Variants in TTLL7 observed in about 807,000 individuals in gnomAD.
TTLL7 encodes tubulin tyrosine ligase like 7, also known as tubulin polyglutamylase TTLL7.
Under a neutral mutation model 120.2 loss-of-function variants are expected in TTLL7, and 53 were observed. The observed-to-expected ratio is 0.44, with a 90% confidence interval of 0.35 to 0.55. The LOEUF (loss-of-function observed/expected upper bound fraction) is 0.55, where lower values mean the gene tolerates loss of function less well. Ranked by LOEUF, TTLL7 falls within the 20% of genes least tolerant of loss-of-function variation. The pLI, the probability that TTLL7 is intolerant of heterozygous loss-of-function variation, is 0.00. For missense variants in TTLL7, 803 were observed against 1,054.7 expected (o/e 0.76, Z 3.31); for synonymous variants, 353 against 351.7 (o/e 1.00, Z -0.04).
At chr1:83,976,089 T>C (rs541394595) in intron 1 of TTLL7, among the ~76,000 whole-genome samples, 2 of 150,772 alleles carry the variant, frequency 1.3e-5, no homozygotes, top group East Asian at 1.9e-4. Context: ...GTGTGTGTAC[T>C]ATGTCAAGAA....
intron 1 of TTLL7, chr1:83,979,317 TGCCTCCGGGTGGAG>T (rs1447875275): frequency 6.6e-6 from 1 of 152,196 alleles, no homozygotes; most frequent in Non-Finnish European, 1.5e-5. Flanking sequence ...GTGCTGAGTC[TGCCTCCGGGTGGAG>T]GCCACAGGAC....
rs1450868097 is a variant in TTLL7 at position 83,890,462 on chromosome 1, G to C, written c.2228C>G (p.Thr743Arg). ...GCGTGGAAGAACTGTACGAATACTT[G>C]TTTTCACTATGTCCAAAACCTAGTG... Reference protein sequence around the residue: ...KQRKVLDIVKTSIRTVLPRIW... With the variant: ...KQRKVLDIVKRSIRTVLPRIW... The change falls in exon 19 of 21, where the codon ACA becomes AGA. Residue 743 changes from threonine to arginine, a missense_variant. Around this residue, in one of 3 missense-constraint regions of TTLL7, gnomAD observed 388 missense variants for 450.4 expected, o/e 0.86. Transcript: ENST00000260505. The C allele has an allele frequency of 6.2e-7, 1 of 1,611,750 alleles. No individual in the cohort carries two copies. Among genetic ancestry groups the C allele is most frequent in the East Asian group, 2.2e-5 (1 of 44,782 alleles).
intron 4 of TTLL7, chr1:83,949,661 T>C (rs1486783734): frequency 1.1e-5 from 6 of 528,622 alleles, no homozygotes; most frequent in Non-Finnish European, 1.3e-5. Flanking sequence ...TCCCTAAAGA[T>C]AGAAAGAGGT....
chr1:83,989,958 G>C (rs1557818564), intron 1 of TTLL7, among the ~76,000 whole-genome samples: 1 of 152,088 alleles, frequency 6.6e-6, no homozygotes, highest in East Asian at 1.9e-4. Context: ...TGTGGCTACT[G>C]TAAGTGGGAT....
At chr1:83,923,350 A>G (rs997057826) in intron 10 of TTLL7, among the ~76,000 whole-genome samples, 1 of 152,014 alleles carries the variant, frequency 6.6e-6, no homozygotes, top group African/African-American at 2.4e-5. Flanking sequence ...AACAAAGACT[A>G]AACAATCCAC....
chr1:83,866,496 T>C lies in TTLL7; in HGVS notation c.*3466A>G, dbSNP rs1652924783. 1 of 151,874 alleles carries C rather than the reference T, an allele frequency of 6.6e-6. No individual in the cohort carries two copies. Among genetic ancestry groups the C allele is most frequent in the South Asian group, 2.1e-4 (1 of 4,834 alleles). 9.4% of individuals were successfully genotyped at this position (151,874 alleles called of 1,614,324 possible). On this transcript the variant is annotated 3_prime_UTR_variant, in exon 21 of 21. Transcript: ENST00000260505. The stretch of plus-strand genomic sequence containing the variant: ...TATCTAGTTGGGTATAACTATTAGA[T>C]GAAAAGAAGTTTAGGTTTCTTCATT...
chr1:83,910,992 AAAGGGCTTAATT>A, intron 15 of TTLL7, among the ~76,000 whole-genome samples, 161 bp downstream of exon 15: 1 of 152,162 alleles, frequency 6.6e-6, no homozygotes, highest in Admixed American at 6.6e-5. Flanking sequence ...GCAGATCTTG[AAAGGGCTTAATT>A]AAGGGATGTG....
At chr1:83,962,344 A>T (rs1452986793) in intron 1 of TTLL7, among the ~76,000 whole-genome samples, 2 of 151,822 alleles carry the variant, frequency 1.3e-5, no homozygotes, top group Non-Finnish European at 2.9e-5. Flanking sequence ...TTTTCCTTTG[A>T]CCTCTTACTT....
intron 17 of TTLL7, among the ~76,000 whole-genome samples, chr1:83,904,979 A>G (rs746904988): frequency 6.6e-6 from 1 of 151,992 alleles, no homozygotes; most frequent in Non-Finnish European, 1.5e-5. Flanking sequence ...GCCTATATAC[A>G]TTCTTTATAG....
intron 1 of TTLL7, among the ~76,000 whole-genome samples, chr1:83,977,404 T>C (rs1651586830): frequency 1.3e-5 from 2 of 152,150 alleles, no homozygotes; most frequent in African/African-American, 2.4e-5. Flanking sequence ...TCAATATTTC[T>C]AGTTACAAGT....
intron 18 of TTLL7, chr1:83,900,243 T>C (rs1489491118): frequency 2.5e-6 from 1 of 395,784 alleles, no homozygotes; most frequent in Non-Finnish European, 4.9e-6. Flanking sequence ...CTACTGAGTC[T>C]AGAATTAAAA....
chr1:83,944,274 A>T (rs981779626), intron 6 of TTLL7, among the ~76,000 whole-genome samples: 1 of 152,182 alleles, frequency 6.6e-6, no homozygotes, highest in East Asian at 1.9e-4. Context: ...TCCCAATTTG[A>T]TAAAAACATT....
At chr1:83,872,605 T>C (rs905358867) in intron 20 of TTLL7, among the ~76,000 whole-genome samples, 12 of 152,230 alleles carry the variant, frequency 7.9e-5, no homozygotes, top group African/African-American at 2.9e-4. Context: ...CAACTTTCTT[T>C]CAAAGAATTT....
intron 1 of TTLL7, among the ~76,000 whole-genome samples, chr1:83,954,631 C>A (rs1456998948): frequency 6.6e-6 from 1 of 152,114 alleles, no homozygotes; most frequent in African/African-American, 2.4e-5. Flanking sequence ...CAGGCCACAC[C>A]CCAGAACTAA....
intron 19 of TTLL7, among the ~76,000 whole-genome samples, chr1:83,883,895 C>G (rs1440906686): frequency 6.6e-6 from 1 of 151,944 alleles, no homozygotes; most frequent in Admixed American, 6.6e-5. Context: ...GTTCTGTGTG[C>G]TAGAAGTAAT....
At chr1:83,925,522 T>C (rs1280011902) in intron 10 of TTLL7, among the ~76,000 whole-genome samples, 5 of 152,084 alleles carry the variant, frequency 3.3e-5, no homozygotes, top group Non-Finnish European at 7.4e-5. Context: ...ACCAATAAAA[T>C]AGCCCAGGAG....
intron 6 of TTLL7, among the ~76,000 whole-genome samples, chr1:83,943,958 A>G (rs985441746): frequency 3.3e-5 from 5 of 152,174 alleles, no homozygotes; most frequent in African/African-American, 1.2e-4. Flanking sequence ...AAAATTGGGA[A>G]AAAATAAAGG....
intron 6 of TTLL7, chr1:83,945,886 A>G (rs1648445435): frequency 6.6e-6 from 1 of 151,850 alleles, no homozygotes; most frequent in African/African-American, 2.4e-5. Context: ...TTGGTATACA[A>G]TTCCCACTAA....
At chr1:83,996,309 C>A (rs576999735) in intron 1 of TTLL7, among the ~76,000 whole-genome samples, 6 of 152,198 alleles carry the variant, frequency 3.9e-5, no homozygotes, top group African/African-American at 1.4e-4. Flanking sequence ...GAAGGGGACT[C>A]GGGGCAACAG....
Sources: allele counts gnomAD v4.1 joint callset (sites outside exome capture counted in the v4.1 genomes callset), GRCh38; gene constraint gnomAD v4.1.1; regional missense constraint gnomAD v4.1.1; transcripts MANE v1.5; gene names NCBI Gene and HGNC (gene_info 2026-07-23, HGNC 2026-07-21).